Variants in MED12L observed in about 807,000 individuals in gnomAD.
MED12L encodes the protein mediator complex subunit 12L, also known as mediator of RNA polymerase II transcription subunit 12-like protein.
In MED12L, 60 loss-of-function variants were observed where a neutral mutation model predicts 281.3. The observed-to-expected ratio is 0.21, with a 90% CI of 0.17 to 0.26. The LOEUF (loss-of-function observed/expected upper bound fraction) is 0.26, where lower values mean the gene tolerates loss of function less well. MED12L is among the 10% of genes least tolerant of loss of function. The pLI is 1.00. For synonymous variants in MED12L, 974 were observed against 987.2 expected, an observed-to-expected ratio of 0.99 and a Z score of 0.25; for missense variants, 2,146 against 2,680.9, an observed-to-expected ratio of 0.80 and a Z score of 4.41.
At chr3:151,201,221 A>ACTCTCT (rs199616990) in intron 16 of MED12L, among the ~76,000 whole-genome samples, 11 of 148,992 alleles carry the variant, frequency 7.4e-5, no homozygotes, top group African/African-American at 2.6e-4. Flanking sequence ...CCACGTGCAC[A>ACTCTCT]CACTCTCTCT....
chr3:151,286,463 A>G (rs1559983431), intron 16 of MED12L, among the ~76,000 whole-genome samples: 1 of 152,206 alleles, frequency 6.6e-6, no homozygotes, highest in Admixed American at 6.5e-5. Context: ...TTCAAGCAAT[A>G]GGCACTAACT....
chr3:151,106,317 C>CT (rs1477026265), intron 2 of MED12L, among the ~76,000 whole-genome samples: 7 of 103,160 alleles, frequency 6.8e-5, no homozygotes, highest in Non-Finnish European at 7.8e-5. Context: ...TTCTCCCCTC[C>CT]CCTCCCCTCC....
intron 12 of MED12L, among the ~76,000 whole-genome samples, chr3:151,187,663 C>T (rs1723452562): frequency 6.6e-6 from 1 of 152,206 alleles, no homozygotes; most frequent in South Asian, 2.1e-4. Context: ...AGTTAAATAA[C>T]TTCCCTAGAG....
At chr3:151,365,574 T>C (rs548503835) in intron 22 of MED12L, among the ~76,000 whole-genome samples, 2 of 152,334 alleles carry the variant, frequency 1.3e-5, no homozygotes, top group African/African-American at 4.8e-5. Context: ...AAAATGTAAA[T>C]CGTAGCTCAG....
intron 16 of MED12L, among the ~76,000 whole-genome samples, chr3:151,269,289 A>G (rs1189675643): frequency 6.6e-6 from 1 of 151,998 alleles, no homozygotes; most frequent in Non-Finnish European, 1.5e-5. Context: ...AATCCCAGCT[A>G]CTTGGGAGGC....
chr3:151,146,771 G>A (rs1033059328), intron 5 of MED12L, among the ~76,000 whole-genome samples: 3 of 152,136 alleles, frequency 2.0e-5, no homozygotes. Flanking sequence ...AATGTATCAC[G>A]CTGTGTCATT....
intron 16 of MED12L, among the ~76,000 whole-genome samples, chr3:151,229,932 A>G (rs1731300126): frequency 6.6e-6 from 1 of 151,982 alleles, no homozygotes; most frequent in Admixed American, 6.6e-5. Context: ...TTTACTTTTT[A>G]TGAGTCCTAG....
At chr3:151,350,275 CAAA>C in intron 17 of MED12L, 69 bp downstream of exon 17, 1 of 1,507,860 alleles carries the variant, frequency 6.6e-7, no homozygotes. Context: ...CAGTCTTTAT[CAAA>C]GTGTTCTATG....
At position 151,384,114 on chromosome 3, in the gene MED12L, G is replaced by T. The variant is rs950827207; in HGVS notation, c.4822G>T (p.Gly1608Cys). Residue 1608 changes from glycine (G) to cysteine (C), a missense_variant, in exon 35 of 45, where the codon GGT (glycine) becomes TGT (cysteine). Coordinates refer to ENST00000687756, the MANE Select transcript of MED12L (RefSeq NM_001393769.1). ...ELFTTVLDML[G>C]VLINGTLASD... ...ATTCACAACAGTTCTTGACATGCTG[G>T]GTGTTTTAATCAATGGAACGTTAGC... The T allele has an allele frequency of 3.7e-6, 6 of 1,613,806 alleles. No individual in the cohort carries two copies. Among genetic ancestry groups the T allele is most frequent in the Non-Finnish European group, 5.1e-6 (6 of 1,179,884 alleles).
chr3:151,406,735 T>G (rs1328071716), intron 39 of MED12L, among the ~76,000 whole-genome samples: 1 of 152,124 alleles, frequency 6.6e-6, no homozygotes, highest in Non-Finnish European at 1.5e-5. Context: ...TATGGCACAA[T>G]TTTCTGAATG....
chr3:151,353,889 C>T (rs538932729), intron 17 of MED12L, among the ~76,000 whole-genome samples: 1 of 152,178 alleles, frequency 6.6e-6, no homozygotes, highest in Admixed American at 6.5e-5. Flanking sequence ...CGCCTGTAAT[C>T]CCAGCACTTT....
At chr3:151,154,919 G>T (rs559632726) in intron 5 of MED12L, among the ~76,000 whole-genome samples, 23 of 152,298 alleles carry the variant, frequency 1.5e-4, no homozygotes, top group African/African-American at 5.3e-4. Flanking sequence ...CCTAGTATTT[G>T]TTCGTCTTTT....
At chr3:151,152,231 C>G (rs1718649238) in intron 5 of MED12L, among the ~76,000 whole-genome samples, 1 of 151,296 alleles carries the variant, frequency 6.6e-6, no homozygotes, top group African/African-American at 2.4e-5. Context: ...TGCTGAGCAG[C>G]TGGGACTATA....
intron 5 of MED12L, among the ~76,000 whole-genome samples, chr3:151,150,957 G>T (rs1166928931): frequency 6.7e-6 from 1 of 149,998 alleles, no homozygotes; most frequent in East Asian, 2.0e-4. Context: ...CTTCTATCCA[G>T]ACTGCTGAAA....
chr3:151,428,465 G>T (rs190786451), intron 43 of MED12L, among the ~76,000 whole-genome samples: 149 of 152,316 alleles, frequency 9.8e-4, no homozygotes, highest in African/African-American at 3.4e-3. Flanking sequence ...CATTAGTTTT[G>T]TGGATCTTTC....
intron 16 of MED12L, among the ~76,000 whole-genome samples, chr3:151,287,085 G>A (rs1285321037): frequency 6.6e-6 from 1 of 152,190 alleles, no homozygotes; most frequent in African/African-American, 2.4e-5. Context: ...GTGCTGGTAT[G>A]TAGGGAGTGT....
At chr3:151,305,861 C>T (rs1746567864) in intron 16 of MED12L, among the ~76,000 whole-genome samples, 1 of 152,112 alleles carries the variant, frequency 6.6e-6, no homozygotes, top group African/African-American at 2.4e-5. Flanking sequence ...ATGTTGAAAA[C>T]ATCAGGAAAT....
At chr3:151,430,468 T>C (rs1462197111) in intron 44 of MED12L, 88 bp downstream of exon 44, 3 of 1,583,626 alleles carry the variant, frequency 1.9e-6, no homozygotes, top group Non-Finnish European at 2.6e-6. Context: ...TCTCCCAAGA[T>C]GGTACCATCT....
intron 16 of MED12L, among the ~76,000 whole-genome samples, chr3:151,271,782 C>A (rs1740996561): frequency 6.6e-6 from 1 of 152,086 alleles, no homozygotes; most frequent in Admixed American, 6.6e-5. Flanking sequence ...CGACTATGTA[C>A]CTTGTGATTC....
Sources: allele counts gnomAD v4.1 joint callset (sites outside exome capture counted in the v4.1 genomes callset), GRCh38; gene constraint gnomAD v4.1.1; transcripts MANE v1.5; gene names NCBI Gene and HGNC (gene_info 2026-07-23, HGNC 2026-07-21).